The following PDS5B variants were observed in gnomAD, a reference collection of about 807,000 sequenced individuals.
The protein encoded by PDS5B is PDS5 cohesin associated factor B.
Under a neutral mutation model 184.1 loss-of-function variants are expected in PDS5B, and 51 were observed. That is an observed-to-expected ratio of 0.28 (90% CI 0.22 to 0.35). The LOEUF (loss-of-function observed/expected upper bound fraction) is 0.35. Ranked by LOEUF, PDS5B falls within the 10% of genes least tolerant of loss-of-function variation. The probability of loss-of-function intolerance (pLI) is 1.00; values close to 1 mark genes in which losing one functional copy is unlikely to be tolerated. For missense variants in PDS5B, 1,180 were observed against 1,723.3 expected, an observed-to-expected ratio of 0.68 and a Z score of 5.58; for synonymous variants, 566 against 569.2, an observed-to-expected ratio of 0.99 and a Z score of 0.08.
intron 1 of PDS5B, among the ~76,000 whole-genome samples, chr13:32,611,188 G>T (rs958605039): frequency 6.6e-6 from 1 of 151,826 alleles, no homozygotes; most frequent in African/African-American, 2.4e-5. Context: ...CATTTCCATG[G>T]CTTCCCTTAT....
intron 19 of PDS5B, among the ~76,000 whole-genome samples, chr13:32,719,246 A>T (rs925452178): frequency 6.6e-6 from 1 of 152,156 alleles, no homozygotes; most frequent in Non-Finnish European, 1.5e-5. Flanking sequence ...GCAGTGGCTC[A>T]ATCATGGCCC....
chr13:32,759,967 G>T (rs572537572), intron 29 of PDS5B, among the ~76,000 whole-genome samples: 2 of 151,700 alleles, frequency 1.3e-5, no homozygotes, highest in African/African-American at 4.8e-5. Flanking sequence ...ATCTTAAAAG[G>T]CTTTTTTTTT....
chr13:32,716,333 AGCGCCCCTGCCCGGCT>A (rs1952407910), intron 19 of PDS5B, among the ~76,000 whole-genome samples: 1 of 148,252 alleles, frequency 6.7e-6, no homozygotes, highest in African/African-American at 2.5e-5. Context: ...GGATGTGAGG[AGCGCCCCTGCCCGGCT>A]GCGACCCCGT....
rs905662202 is a variant in PDS5B, at chr13:32,696,887, G to C, written c.1585G>C (p.Val529Leu). Reference protein sequence around the residue: ...DASVKAIFSKVMVITRNLPDP... With the variant: ...DASVKAIFSKLMVITRNLPDP... ...CAGTGTCAAGGCCATATTTTCAAAA[G>C]TGATGGTTATTACAAGTAAGTTATT... Residue 529 changes from valine (V) to leucine (L), a missense_variant, in exon 15 of 35, where the codon GTG (valine) becomes CTG (leucine). By Grantham distance (32) the Val-to-Leu change is conservative (BLOSUM62 1). Around this residue, in one of 11 missense-constraint regions of PDS5B, gnomAD observed 475 missense variants for 691.5 expected, o/e 0.69. Coordinates refer to ENST00000315596, the MANE Select transcript of PDS5B (RefSeq NM_015032.4). The C allele has an allele frequency of 4.4e-6, 7 of 1,576,666 alleles. No individual in the cohort carries two copies. Among genetic ancestry groups the C allele is most frequent in the African/African-American group, 1.4e-5 (1 of 73,828 alleles).
intron 19 of PDS5B, among the ~76,000 whole-genome samples, chr13:32,718,695 C>T (rs1472614525): frequency 6.6e-6 from 1 of 152,124 alleles, no homozygotes; most frequent in Admixed American, 6.5e-5. Context: ...AAGGAAGAAG[C>T]TTTCATTTTT....
chr13:32,689,204 G>A (rs1761637306), intron 13 of PDS5B: 1 of 152,218 alleles, frequency 6.6e-6, no homozygotes, highest in Admixed American at 6.5e-5. Context: ...TAGACCCTTA[G>A]TATTCCAGCA....
chr13:32,759,537 A>G (rs765776220), intron 28 of PDS5B, 91 bp from the exon 29 acceptor site: 3 of 549,296 alleles, frequency 5.5e-6, no homozygotes, highest in Admixed American at 7.4e-5. Flanking sequence ...TAGTTTAAAT[A>G]AAAAAACTGC....
chr13:32,599,133 C>CT (rs139660992), intron 1 of PDS5B, among the ~76,000 whole-genome samples: 5,834 of 152,090 alleles, frequency 0.038, 349 homozygotes, highest in African/African-American at 0.13. Context: ...TCCATTGTTT[C>CT]TTTAACTTTC....
intron 21 of PDS5B, among the ~76,000 whole-genome samples, chr13:32,740,137 GT>G (rs1338039438): frequency 6.6e-6 from 1 of 152,094 alleles, no homozygotes; most frequent in Admixed American, 6.6e-5. Flanking sequence ...CTTCAGTACT[GT>G]TTTTTGGATA....
intron 1 of PDS5B, among the ~76,000 whole-genome samples, chr13:32,608,762 A>T (rs1566243727): frequency 6.6e-6 from 1 of 152,300 alleles, no homozygotes; most frequent in East Asian, 1.9e-4. Context: ...TGGTCCCAGG[A>T]TTATTTGGAG....
chr13:32,740,319 A>G (rs1256856366), intron 21 of PDS5B, among the ~76,000 whole-genome samples: 5 of 152,168 alleles, frequency 3.3e-5, no homozygotes, highest in African/African-American at 1.2e-4. Context: ...CAAGGTGCCT[A>G]ATGTGATTCC....
Position 32,775,048 on chromosome 13 carries a change from G to A in PDS5B, c.4340G>A (p.Arg1447Gln), listed in dbSNP as rs1207465727. The A allele has an allele frequency of 7.5e-6, 12 of 1,595,150 alleles. No homozygotes were observed. The highest frequency in any genetic ancestry group is 8.6e-6 in the Non-Finnish European group (10 of 1,167,876). The change falls in exon 35 of 35, where the codon CGA becomes CAA. Residue 1447 changes from arginine (R) to glutamine (Q), a missense_variant. Arg to Gln is a conservative substitution (Grantham distance 43, BLOSUM62 1). Around this residue, in one of 11 missense-constraint regions of PDS5B, gnomAD observed 465 missense variants for 497.8 expected, o/e 0.93. Transcript: ENST00000315596. ...CGGCGAAGTGCTAAAAGGGAACGGCGATGAACAAATGTAATTAATAACTTT... is the reference window on the plus strand; with the variant it reads ...CGGCGAAGTGCTAAAAGGGAACGGCAATGAACAAATGTAATTAATAACTTT... ...VRRRSAKRER[R>Q]
In PDS5B at chr13:32,777,583, A is replaced by G. The variant is rs778385777; in HGVS notation, c.*2531A>G. 1.3e-5 allele frequency: 2 copies of G among 152,330 alleles called. No individual in the cohort carries two copies. Among genetic ancestry groups the G allele is most frequent in the African/African-American group, 2.4e-5 (1 of 41,438 alleles). 9.4% of individuals were successfully genotyped at this position (152,330 alleles called of 1,614,324 possible). On this transcript the variant is annotated 3_prime_UTR_variant, in exon 35 of 35. Coordinates refer to ENST00000315596, the MANE Select transcript of PDS5B (RefSeq NM_015032.4). ...TCATTTTGAAAATATGTACTGTATAACATTAAGAAAATATTTAACTCCCTG... is the reference window on the plus strand; with the variant it reads ...TCATTTTGAAAATATGTACTGTATAGCATTAAGAAAATATTTAACTCCCTG...
chr13:32,773,376 A>G (rs1954855518), intron 34 of PDS5B, 52 bp downstream of exon 34: 1 of 1,496,618 alleles, frequency 6.7e-7, no homozygotes, highest in African/African-American at 1.4e-5. Flanking sequence ...AGAGTTAGTA[A>G]ATGTTTGGTT....
chr13:32,613,405 T>C (rs1412076155), intron 1 of PDS5B, among the ~76,000 whole-genome samples: 2 of 152,216 alleles, frequency 1.3e-5, no homozygotes, highest in Non-Finnish European at 2.9e-5. Context: ...ATACTTCTTA[T>C]TGTCTGTCAT....
intron 1 of PDS5B, among the ~76,000 whole-genome samples, chr13:32,641,495 T>A (rs2031355): frequency 0.31 from 46,430 of 152,100 alleles, 8,999 homozygotes; most frequent in Non-Finnish European, 0.43. Flanking sequence ...CATCACTATA[T>A]GTCACCCCTC....
At chr13:32,653,568 C>T (rs1014017642) in intron 3 of PDS5B, among the ~76,000 whole-genome samples, 11 of 152,158 alleles carry the variant, frequency 7.2e-5, no homozygotes, top group African/African-American at 1.9e-4. Context: ...CTGTTTTGGG[C>T]ATGCTTGTTT....
intron 30 of PDS5B, among the ~76,000 whole-genome samples, chr13:32,762,596 C>A (rs1036470635): frequency 3.3e-5 from 5 of 152,030 alleles, no homozygotes; most frequent in African/African-American, 1.2e-4. Context: ...ACTGGTTTTT[C>A]TCCTTGAATT....
At chr13:32,754,983 T>C (rs1378243930) in intron 25 of PDS5B, among the ~76,000 whole-genome samples, 2 of 152,186 alleles carry the variant, frequency 1.3e-5, no homozygotes, top group African/African-American at 4.8e-5. Context: ...TTAATTTTAA[T>C]TTCACCAGAT....
Sources: gnomAD v4.1 joint callset for allele counts (sites outside exome capture counted in the v4.1 genomes callset) on GRCh38, gnomAD v4.1.1 for gene constraint, gnomAD v4.1.1 regional missense constraint, MANE v1.5 for transcripts, NCBI Gene and HGNC (gene_info 2026-07-23, HGNC 2026-07-21) for gene names.